The following ABLIM3 variants were observed in gnomAD, a reference collection of about 807,000 sequenced individuals.
ABLIM3 encodes actin binding LIM protein family member 3.
In ABLIM3, 61 loss-of-function variants were observed where a neutral mutation model predicts 109.5. The ratio of observed to expected loss-of-function variants is 0.56; its 90% CI spans 0.45 to 0.69. The LOEUF is 0.69. Among genes scored for constraint, ABLIM3 ranks in the 30% least tolerant of loss-of-function variants. ABLIM3 has a pLI of 0.00. For missense variants in ABLIM3, 796 were observed against 889.5 expected (o/e 0.89, Z 1.34); for synonymous variants, 300 against 324.8 (o/e 0.92, Z 0.82).
chr5:149,216,585 T>C (rs535184990), intron 7 of ABLIM3: 42 of 196,192 alleles, frequency 2.1e-4, no homozygotes, highest in South Asian at 9.6e-4. Context: ...CTTAAAATCA[T>C]TTCATGTAAC....
chr5:149,259,447 G>C lies in ABLIM3; in HGVS notation c.*1043G>C. 6.5e-7 allele frequency: 1 copy of C among 1,531,266 alleles called. No homozygotes were observed. Among genetic ancestry groups the C allele is most frequent in the South Asian group, 1.2e-5 (1 of 83,752 alleles). The allele number at this position is 1,531,266 out of a possible 1,614,324, so 94.9% of individuals were successfully genotyped here. A position where few individuals can be genotyped will look rare whatever the true frequency, so the allele number is the denominator to read the frequency against. On this transcript the variant is annotated 3_prime_UTR_variant, in exon 24 of 24. Transcript: ENST00000309868. ...AAAATAGGCCGTGTCTCAAAGAAAGGTTCTTGGTCTATGCCTCTGGTCTGT... is the reference window on the plus strand; with the variant it reads ...AAAATAGGCCGTGTCTCAAAGAAAGCTTCTTGGTCTATGCCTCTGGTCTGT...
chr5:149,188,612 GAA>G (rs1471083515), intron 3 of ABLIM3, among the ~76,000 whole-genome samples: 3 of 152,228 alleles, frequency 2.0e-5, no homozygotes, highest in Non-Finnish European at 2.9e-5. Context: ...GGCAGAGAGA[GAA>G]AGGGAGAGAG....
In ABLIM3 at chr5:149,250,953, G is replaced by T. The variant is rs556930857; in HGVS notation, c.1789-406G>T. Among the ~76,000 whole-genome samples the T allele has an allele frequency of 5.3e-5, 8 of 152,212 alleles. 1 individual carries two copies. In the South Asian group the frequency reaches 1.7e-3, roughly 32 times the overall value. ...CACCCCCAACTGCTATGCTCCACTG[G>T]CCTCTAACATGGCCTGTACATTTTC... On this transcript the variant is annotated intron_variant, in intron 20 of 23. Transcript: ENST00000309868.
intron 18 of ABLIM3, among the ~76,000 whole-genome samples, chr5:149,248,875 C>T (rs1049277051): frequency 9.4e-5 from 6 of 63,696 alleles, no homozygotes; most frequent in African/African-American, 2.2e-4. Flanking sequence ...CACACACACA[C>T]ACACACACAC....
chr5:149,232,824 GCATAT>G (rs1761988898), intron 9 of ABLIM3, among the ~76,000 whole-genome samples: 1 of 152,068 alleles, frequency 6.6e-6, no homozygotes, highest in Non-Finnish European at 1.5e-5. Flanking sequence ...TAAAGAATCA[GCATAT>G]TGTGCAATTA....
intron 2 of ABLIM3, among the ~76,000 whole-genome samples, chr5:149,145,958 G>A (rs1038665893): frequency 6.6e-6 from 1 of 151,978 alleles, no homozygotes; most frequent in African/African-American, 2.4e-5. Flanking sequence ...GTTAAGTTTT[G>A]TATGTTTATT....
At chr5:149,252,137 T>C (rs1450882390) in intron 21 of ABLIM3, 64 bp from the exon 22 acceptor site, 86 of 1,597,560 alleles carry the variant, frequency 5.4e-5, no homozygotes, top group Non-Finnish European at 7.4e-5. Context: ...GAGGCCTGTG[T>C]AGTGATGCAA....
At chr5:149,251,041 G>C (rs564926884) in intron 20 of ABLIM3, among the ~76,000 whole-genome samples, 4 of 152,332 alleles carry the variant, frequency 2.6e-5, no homozygotes, top group African/African-American at 9.6e-5. Flanking sequence ...GGAGGATTGA[G>C]AGTTCATGGA....
chr5:149,237,666 A>T, intron 11 of ABLIM3, 63 bp downstream of exon 11: 1 of 1,596,500 alleles, frequency 6.3e-7, no homozygotes, highest in African/African-American at 1.3e-5. Context: ...TGGGGTCCCC[A>T]GCCCTCTCCA....
chr5:149,228,284 A>G (rs1008668973), intron 8 of ABLIM3, among the ~76,000 whole-genome samples: 2 of 152,174 alleles, frequency 1.3e-5, no homozygotes. Context: ...AATCTGTAAA[A>G]TCAGCTTTCA....
intron 2 of ABLIM3, among the ~76,000 whole-genome samples, chr5:149,172,929 C>T (rs1040210350): frequency 3.3e-5 from 5 of 152,230 alleles, no homozygotes; most frequent in Non-Finnish European, 5.9e-5. Context: ...GGAGTGTCCT[C>T]CCTGAGGCCT....
intron 7 of ABLIM3, among the ~76,000 whole-genome samples, chr5:149,213,068 G>T (rs1383956673): frequency 6.6e-6 from 1 of 152,154 alleles, no homozygotes; most frequent in African/African-American, 2.4e-5. Context: ...AGTTGAGATT[G>T]CACCACTACA....
chr5:149,161,412 GTC>G (rs1754353484), intron 2 of ABLIM3, among the ~76,000 whole-genome samples: 2 of 152,162 alleles, frequency 1.3e-5, no homozygotes, highest in Non-Finnish European at 2.9e-5. Flanking sequence ...CTGCCTGGCT[GTC>G]TCTCTTGAAA....
Position 149,170,078 on chromosome 5 carries a change from A to T in ABLIM3, c.14-13374A>T, listed in dbSNP as rs935328204. 3.9e-5 allele frequency among the ~76,000 whole-genome samples: 6 copies of T among 152,050 alleles called. No homozygotes were observed. In the South Asian group the frequency reaches 1.2e-3, roughly 32 times the overall value. ...CGTTGTACAGATTATTTCCTCACCC[A>T]AGTATTAAGCCTACTACCCACTAGT... On this transcript the variant is annotated intron_variant, in intron 2 of 23. Coordinates refer to ENST00000309868, the MANE Select transcript of ABLIM3 (RefSeq NM_014945.5).
chr5:149,239,774 C>G lies in ABLIM3; in HGVS notation c.1090C>G (p.Leu364Val). 4 of 1,607,012 alleles carry G rather than the reference C, an allele frequency of 2.5e-6. No homozygotes were observed. Among genetic ancestry groups the G allele is most frequent in the Non-Finnish European group, 3.4e-6 (4 of 1,176,762 alleles). Residue 364 changes from leucine (L) to valine (V), a missense_variant, in exon 13 of 24, where the codon CTG becomes GTG. Physicochemically the swap from Leu to Val is conservative, Grantham distance 32. Coordinates refer to ENST00000309868, the MANE Select transcript of ABLIM3 (RefSeq NM_014945.5). ...SPYSQDIYENLDLRQRRASSP... is the reference protein window; with the variant it reads ...SPYSQDIYENVDLRQRRASSP... Reference sequence around the variant, plus strand: ...CCTCTCCCAGGACATCTACGAGAACCTGGACCTCCGGCAGAGACGGGCCTC... The same window carrying G: ...CCTCTCCCAGGACATCTACGAGAACGTGGACCTCCGGCAGAGACGGGCCTC...
intron 8 of ABLIM3, chr5:149,217,786 T>C (rs974247172): frequency 6.6e-6 from 1 of 152,368 alleles, no homozygotes; most frequent in East Asian, 1.9e-4. Context: ...GCTTCCTTTG[T>C]AGCCTTGAAC....
intron 2 of ABLIM3, among the ~76,000 whole-genome samples, chr5:149,169,097 C>A (rs1054832883): frequency 6.6e-6 from 1 of 150,712 alleles, no homozygotes; most frequent in East Asian, 2.0e-4. Flanking sequence ...CCCCCCACCC[C>A]CCGTCTCACC....
intron 2 of ABLIM3, among the ~76,000 whole-genome samples, chr5:149,157,560 CAG>C (rs1202883781): frequency 1.6e-5 from 2 of 124,454 alleles, no homozygotes; most frequent in Non-Finnish European, 3.2e-5. Flanking sequence ...GCTAGCCAAT[CAG>C]AGTTTCCCAT....
chr5:149,150,529 CACA>C (rs768576589), intron 2 of ABLIM3, among the ~76,000 whole-genome samples: 12 of 152,222 alleles, frequency 7.9e-5, no homozygotes, highest in East Asian at 5.8e-4. Context: ...TCAGAAAAAT[CACA>C]ACGTGATTTC....
Sources: allele counts gnomAD v4.1 joint callset (sites outside exome capture counted in the v4.1 genomes callset), GRCh38; gene constraint gnomAD v4.1.1; transcripts MANE v1.5; gene names NCBI Gene and HGNC (gene_info 2026-07-23, HGNC 2026-07-21).